PIGK: variants seen among roughly 807,000 people sequenced by gnomAD.
PIGK encodes phosphatidylinositol glycan anchor biosynthesis class K, also known as GPI-anchor transamidase.
In PIGK, 42 loss-of-function variants were observed where a neutral mutation model predicts 50.6. The observed-to-expected ratio is 0.83, with a 90% CI of 0.65 to 1.07. The LOEUF is 1.07. Ranked by LOEUF, PIGK falls within the 50% of genes least tolerant of loss-of-function variation. PIGK has a pLI of 0.00. For missense variants in PIGK, 448 were observed against 488.7 expected, an observed-to-expected ratio of 0.92 and a Z score of 0.78; for synonymous variants, 151 against 156.0, an observed-to-expected ratio of 0.97 and a Z score of 0.24.
At chr1:77,198,098 T>C (rs938348567) in intron 3 of PIGK, among the ~76,000 whole-genome samples, 7 of 152,108 alleles carry the variant, frequency 4.6e-5, no homozygotes, top group African/African-American at 1.2e-4. Context: ...AGTTATTAGA[T>C]TATTTATTAG....
At chr1:77,108,544 T>C (rs1460321592) in intron 10 of PIGK, among the ~76,000 whole-genome samples, 1 of 121,692 alleles carries the variant, frequency 8.2e-6, no homozygotes, top group African/African-American at 4.4e-5. Flanking sequence ...ATTTCAACTT[T>C]GGTGAATCTG....
chr1:77,152,316 G>A lies in PIGK; in HGVS notation c.986+2133C>T, dbSNP rs549407436. On this transcript the variant is annotated intron_variant, in intron 9 of 10. Coordinates refer to ENST00000370812, the MANE Select transcript of PIGK (RefSeq NM_005482.3). The stretch of plus-strand genomic sequence containing the variant: ...ATCCATATGCAGAAGAATGAAACTA[G>A]ATCCCCAACTTTCACCATATCCCAA... 5.9e-5 allele frequency among the ~76,000 whole-genome samples: 9 copies of A among 152,092 alleles called. No homozygotes were observed. The South Asian group carries it at 1.9e-3, about 32-fold the overall frequency.
At chr1:77,201,917 G>A (rs944721702) in intron 3 of PIGK, among the ~76,000 whole-genome samples, 1 of 151,892 alleles carries the variant, frequency 6.6e-6, no homozygotes, top group Non-Finnish European at 1.5e-5. Context: ...AATTAGCCAG[G>A]CATGGTGGTG....
chr1:77,177,671 G>A (rs904228673), intron 3 of PIGK, among the ~76,000 whole-genome samples: 7 of 152,118 alleles, frequency 4.6e-5, no homozygotes, highest in African/African-American at 1.4e-4. Context: ...CTATATTTCT[G>A]TGTGTGTGCC....
At chr1:77,171,651 T>C (rs1275009400) in intron 3 of PIGK, among the ~76,000 whole-genome samples, 1 of 151,982 alleles carries the variant, frequency 6.6e-6, no homozygotes, top group Non-Finnish European at 1.5e-5. Context: ...CTATGACCTG[T>C]TAACATAATC....
intron 10 of PIGK, among the ~76,000 whole-genome samples, chr1:77,121,857 G>C (rs1255783435): frequency 6.6e-6 from 1 of 152,160 alleles, no homozygotes; most frequent in African/African-American, 2.4e-5. Flanking sequence ...AAGGGTTGAT[G>C]ATTGGGCAGG....
intron 3 of PIGK, chr1:77,194,982 T>G (rs1655997615): frequency 1.5e-6 from 1 of 651,590 alleles, no homozygotes; most frequent in African/African-American, 1.8e-5. Flanking sequence ...GAGGATCACG[T>G]GGAAGCAGTG....
chr1:77,131,126 G>A (rs1033521337), intron 9 of PIGK, among the ~76,000 whole-genome samples: 7 of 151,802 alleles, frequency 4.6e-5, no homozygotes, highest in African/African-American at 1.5e-4. Context: ...CCATAAAGAA[G>A]ATGTACATCT....
intron 9 of PIGK, among the ~76,000 whole-genome samples, chr1:77,149,745 A>T (rs1654851451): frequency 6.6e-6 from 1 of 152,126 alleles, no homozygotes; most frequent in African/African-American, 2.4e-5. Flanking sequence ...GACCAAATGG[A>T]CCTAATAGAC....
At chr1:77,135,151 A>G (rs1203713353) in intron 9 of PIGK, among the ~76,000 whole-genome samples, 1 of 152,108 alleles carries the variant, frequency 6.6e-6, no homozygotes, top group Non-Finnish European at 1.5e-5. Flanking sequence ...TTTTAATTTT[A>G]AAACTTTTGG....
At chr1:77,173,217 C>T (rs772962849) in intron 3 of PIGK, among the ~76,000 whole-genome samples, 3 of 152,132 alleles carry the variant, frequency 2.0e-5, no homozygotes, top group East Asian at 1.9e-4. Context: ...AAATGAACAA[C>T]GCAGTGAAAT....
rs768312419 is a variant in PIGK, at chr1:77,104,984, GT to G, written c.1072-12495del. Among the ~76,000 whole-genome samples the G allele has an allele frequency of 1.2e-3, 178 of 152,294 alleles. 1 individual carries two copies. The highest frequency in any genetic ancestry group is 2.2e-3 in the Non-Finnish European group (147 of 68,026). On this transcript the variant is annotated intron_variant, in intron 10 of 10. Coordinates refer to ENST00000370812, the MANE Select transcript of PIGK (RefSeq NM_005482.3). ...GGGCGACTTCCCTCTACTAGCGAGG[GT>G]AAAAGGCTGGTGTGAGAGCCTTTCT...
At chr1:77,214,324 TA>T in intron 1 of PIGK, among the ~76,000 whole-genome samples, 1 of 152,040 alleles carries the variant, frequency 6.6e-6, no homozygotes, top group Non-Finnish European at 1.5e-5. Context: ...AACAAAAAGA[TA>T]ATACACCACA....
chr1:77,122,190 T>A (rs940747423), intron 10 of PIGK, 85 bp downstream of exon 10: 4 of 860,374 alleles, frequency 4.6e-6, no homozygotes, highest in Admixed American at 1.9e-5. Context: ...TATAGCACAT[T>A]GATTCTGAAA....
chr1:77,110,670 T>C (rs1253056820), intron 10 of PIGK, among the ~76,000 whole-genome samples: 2 of 152,138 alleles, frequency 1.3e-5, no homozygotes, highest in African/African-American at 4.8e-5. Flanking sequence ...GAAGAAAACC[T>C]AGGCAATACC....
At chr1:77,130,261 G>A (rs7524151) in intron 9 of PIGK, among the ~76,000 whole-genome samples, 24,708 of 68,880 alleles carry the variant, frequency 0.36, 5,698 homozygotes, top group African/African-American at 0.65. Context: ...TATTAGCTGT[G>A]ATTTGGGTAG....
intron 9 of PIGK, among the ~76,000 whole-genome samples, chr1:77,141,763 AG>A (rs948333996): frequency 3.3e-5 from 5 of 152,154 alleles, no homozygotes; most frequent in Non-Finnish European, 7.4e-5. Flanking sequence ...ATTTAATAAA[AG>A]CTCACAAAAA....
intron 3 of PIGK, 82 bp from the exon 4 acceptor site, chr1:77,169,477 C>T (rs2100560878): frequency 8.8e-7 from 1 of 1,142,544 alleles, no homozygotes; most frequent in Non-Finnish European, 1.2e-6. Context: ...CATGTAGCTA[C>T]TGTGTTCATT....
intron 9 of PIGK, among the ~76,000 whole-genome samples, chr1:77,132,076 C>A (rs1286035125): frequency 6.6e-6 from 1 of 151,918 alleles, no homozygotes; most frequent in Non-Finnish European, 1.5e-5. Flanking sequence ...TAATTTATTT[C>A]TTTTACTTAC....
Sources: allele counts gnomAD v4.1 joint callset (sites outside exome capture counted in the v4.1 genomes callset), GRCh38; gene constraint gnomAD v4.1.1; transcripts MANE v1.5; gene names NCBI Gene and HGNC (gene_info 2026-07-23, HGNC 2026-07-21).